TRIOBP: variants seen among roughly 807,000 people sequenced by gnomAD.
TRIOBP encodes TRIO and F-actin binding protein.
A neutral mutation model predicts 238.8 loss-of-function variants in TRIOBP; 169 were observed. The observed-to-expected ratio is 0.71, with a 90% CI of 0.62 to 0.80. TRIOBP has a LOEUF of 0.80. TRIOBP is among the 30% of genes least tolerant of loss of function. The pLI is 0.00. For missense variants in TRIOBP, 2,838 were observed against 3,122.6 expected (o/e 0.91, Z 2.17); for synonymous variants, 1,150 against 1,274.4 (o/e 0.90, Z 2.08).
intron 6 of TRIOBP, among the ~76,000 whole-genome samples, chr22:37,721,419 G>GGAT (rs924112698): frequency 7.9e-5 from 12 of 152,182 alleles, no homozygotes; most frequent in Non-Finnish European, 1.3e-4. Flanking sequence ...AGAGGACAGG[G>GGAT]GATCTTAAGA....
At chr22:37,718,795 C>G (rs563844223) in intron 6 of TRIOBP, among the ~76,000 whole-genome samples, 68 of 148,448 alleles carry the variant, frequency 4.6e-4, no homozygotes, top group Admixed American at 2.0e-4. Context: ...GGATCTGGGA[C>G]AGGAGGACAC....
rs1218098431 is a variant in TRIOBP, at chr22:37,725,694, C to T, written c.3138C>T (p.Ala1046=). 6.8e-6 allele frequency: 11 copies of T among 1,613,252 alleles called. No individual in the cohort carries two copies. Among genetic ancestry groups the T allele is most frequent in the Non-Finnish European group, 9.3e-6 (11 of 1,179,886 alleles). Residue 1046 remains alanine (A), a synonymous_variant, in exon 7 of 24, where the codon GCC becomes GCT. Coordinates refer to ENST00000644935, the MANE Select transcript of TRIOBP (RefSeq NM_001039141.3). ...TCCCCTTCTTCCCAGAGCCCCGCGCCCCTGAGAGTGAACCGCCCCACCACG... is the reference window on the plus strand; with the variant it reads ...TCCCCTTCTTCCCAGAGCCCCGCGCTCCTGAGAGTGAACCGCCCCACCACG... The part of the protein sequence containing the change: ...DPFPFFPEPR[A]PESEPPHHEP...
Position 37,705,499 on chromosome 22 carries a change from G to GA in TRIOBP, c.114+4020_114+4021insA, listed in dbSNP as rs1922890864. On this transcript the variant is annotated intron_variant, in intron 3 of 23. Coordinates refer to ENST00000644935, the MANE Select transcript of TRIOBP (RefSeq NM_001039141.3). Reference sequence around the variant, plus strand: ...CTATAGGACAAGGATGGAGAATGGGGGGAGGCCTGGTCTCACTGGCCTTGT... The same window carrying GA: ...CTATAGGACAAGGATGGAGAATGGGGAGGAGGCCTGGTCTCACTGGCCTTGT... Among the ~76,000 whole-genome samples the GA allele has an allele frequency of 2.6e-5, 4 of 152,068 alleles. No homozygotes were observed. In the South Asian group the frequency reaches 6.2e-4, roughly 24 times the overall value.
rs1181027443 is a variant in TRIOBP at position 37,715,769 on chromosome 22, G to A, written c.463G>A (p.Asp155Asn). Residue 155 changes from aspartate (D) to asparagine (N), a missense_variant, in exon 6 of 24, where the codon GAC (aspartate) becomes AAC (asparagine). Asp to Asn is a conservative substitution (Grantham distance 23, BLOSUM62 1). Transcript: ENST00000644935. ...TCCTCCCCTTCTCTGGCAGGACTGG[G>A]ACACTGTTGAGAGGCAGGAGGAGGA... is the stretch of plus-strand genomic sequence containing the variant. ...DTSNSSSVDW[D>N]TVERQEEEAP... 6.2e-7 allele frequency: 1 copy of A among 1,613,966 alleles called. No homozygotes were observed. The highest frequency in any genetic ancestry group is 8.5e-7 in the Non-Finnish European group (1 of 1,180,024).
chr22:37,769,782 G>T (rs532104685), intron 21 of TRIOBP, among the ~76,000 whole-genome samples: 1 of 151,996 alleles, frequency 6.6e-6, no homozygotes, highest in African/African-American at 2.4e-5. Flanking sequence ...AGGCTGGAGT[G>T]TAGTGACACG....
intron 10 of TRIOBP, 143 bp from the exon 11 acceptor site, chr22:37,740,752 C>T (rs1379176917): frequency 1.0e-5 from 13 of 1,243,784 alleles, no homozygotes; most frequent in Admixed American, 4.0e-5. Flanking sequence ...CAGCTCGTCT[C>T]GGCAGTTCTG....
chr22:37,775,351 A>G lies in TRIOBP; in HGVS notation c.*1571A>G, dbSNP rs898076125. ...GAGAGTGACCTCGTGGAGTGGGAAG[A>G]GATTGTTTCCCATTCCCTTGCCAGG... On this transcript the variant is annotated 3_prime_UTR_variant, in exon 24 of 24. Coordinates refer to ENST00000644935, the MANE Select transcript of TRIOBP (RefSeq NM_001039141.3). 3.3e-5 allele frequency: 5 copies of G among 152,160 alleles called. No homozygotes were observed. The highest frequency in any genetic ancestry group is 5.9e-5 in the Non-Finnish European group (4 of 68,042). 9.4% of individuals were successfully genotyped at this position (152,160 alleles called of 1,614,324 possible).
Position 37,723,769 on chromosome 22 carries a change from T to A in TRIOBP, c.1213T>A (p.Ser405Thr). The change falls in exon 7 of 24, where the codon TCC becomes ACC. Residue 405 changes from serine to threonine, a missense_variant. Transcript: ENST00000644935. ...RTTQRENSRT[S>T]CAQRDNPKAS... ...CACTCAACGAGAGAATTCCAGAACA[T>A]CCTGTGCCCAGCGGGACAATCCCAA... The A allele has an allele frequency of 6.3e-7, 1 of 1,596,570 alleles. No individual in the cohort carries two copies. The highest frequency in any genetic ancestry group is 1.3e-5 in the African/African-American group (1 of 74,668).
At chr22:37,742,622 G>T (rs888376679) in intron 11 of TRIOBP, among the ~76,000 whole-genome samples, 2 of 152,172 alleles carry the variant, frequency 1.3e-5, no homozygotes, top group African/African-American at 2.4e-5. Flanking sequence ...GGCAAGCATG[G>T]TTATCTGAGT....
At chr22:37,753,306 C>T (rs1925723828) in intron 12 of TRIOBP, among the ~76,000 whole-genome samples, 1 of 151,726 alleles carries the variant, frequency 6.6e-6, no homozygotes, top group Non-Finnish European at 1.5e-5. Flanking sequence ...CAGAGTTTCA[C>T]TCTTGTTGCC....
At chr22:37,709,269 T>TGGGCTCC (rs375323875) in intron 3 of TRIOBP, among the ~76,000 whole-genome samples, 393 of 152,324 alleles carry the variant, frequency 2.6e-3, no homozygotes, top group African/African-American at 8.9e-3. Context: ...CCCTGGGCTC[T>TGGGCTCC]GGGCTCCAGG....
At chr22:37,743,408 C>T (rs185450972) in intron 11 of TRIOBP, among the ~76,000 whole-genome samples, 1 of 152,280 alleles carries the variant, frequency 6.6e-6, no homozygotes, top group Admixed American at 6.5e-5. Context: ...TGGTCTTTGC[C>T]AGTTTAATAA....
At chr22:37,756,759 T>A (rs1925944174) in intron 15 of TRIOBP, among the ~76,000 whole-genome samples, 1 of 151,650 alleles carries the variant, frequency 6.6e-6, no homozygotes, top group African/African-American at 2.4e-5. Context: ...GCGAGTGTAG[T>A]TTTTGGCAGG....
chr22:37,743,645 C>T (rs926032399), intron 11 of TRIOBP, among the ~76,000 whole-genome samples: 1 of 152,156 alleles, frequency 6.6e-6, no homozygotes, highest in Non-Finnish European at 1.5e-5. Context: ...GTGTGGTCAC[C>T]ACTTTAGTGG....
At position 37,740,995 on chromosome 22, in the gene TRIOBP, C is replaced by T. The variant is rs374789338; in HGVS notation, c.5285C>T (p.Pro1762Leu). The change falls in exon 11 of 24, where the codon CCG (proline) becomes CTG (leucine). Residue 1762 changes from proline (P) to leucine (L), a missense_variant. Pro to Leu is a moderately conservative substitution (Grantham distance 98). Coordinates refer to ENST00000644935, the MANE Select transcript of TRIOBP (RefSeq NM_001039141.3). ...GGGGACCGGCCCACGCTGTTCAATCCGTTCCTGCTGTCTCTGGGGGTCCTC... is the reference window on the plus strand; with the variant it reads ...GGGGACCGGCCCACGCTGTTCAATCTGTTCCTGCTGTCTCTGGGGGTCCTC... ...MPGDRPTLFNPFLLSLGVLRW... is the reference protein window; with the variant it reads ...MPGDRPTLFNLFLLSLGVLRW... 18 of 1,560,740 alleles carry T rather than the reference C, an allele frequency of 1.2e-5. No individual in the cohort carries two copies. The highest frequency in any genetic ancestry group is 1.1e-4 in the African/African-American group (8 of 73,806).
intron 6 of TRIOBP, among the ~76,000 whole-genome samples, chr22:37,719,939 C>T (rs1923731235): frequency 6.7e-6 from 1 of 149,026 alleles, no homozygotes; most frequent in South Asian, 2.1e-4. Context: ...CAGCCCTCTA[C>T]TGCGTTAATC....
rs376743335 is a variant in TRIOBP at position 37,740,915 on chromosome 22, G to T, written c.5205G>T (p.Glu1735Asp). ...GACAGGCAGACAAGAGGCCAGCAGA[G>T]GGCAAGGCTGGGAGCCCGCTCAAGG... ...QADSADKRPA[E>D]GKAGSPLKGR... Residue 1735 changes from glutamate (E) to aspartate (D), a missense_variant, in exon 11 of 24, where the codon GAG (glutamate) becomes GAT (aspartate). Physicochemically the swap from Glu to Asp is conservative, Grantham distance 45 (BLOSUM62 2). Around this residue, in one of 5 missense-constraint regions of TRIOBP, gnomAD observed 2,096 missense variants for 2,137.4 expected, o/e 0.98. Coordinates refer to ENST00000644935, the MANE Select transcript of TRIOBP (RefSeq NM_001039141.3). 5.7e-6 allele frequency: 9 copies of T among 1,574,266 alleles called. No individual in the cohort carries two copies. The East Asian group carries it at 1.8e-4, about 32-fold the overall frequency.
intron 3 of TRIOBP, among the ~76,000 whole-genome samples, chr22:37,702,782 AG>A (rs1421999636): frequency 2.6e-5 from 4 of 151,442 alleles, no homozygotes; most frequent in African/African-American, 9.7e-5. Context: ...CCTGAGTAGC[AG>A]GGACTACAGG....
At chr22:37,721,446 G>A (rs1923824944) in intron 6 of TRIOBP, among the ~76,000 whole-genome samples, 1 of 152,180 alleles carries the variant, frequency 6.6e-6, no homozygotes, top group East Asian at 1.9e-4. Flanking sequence ...GAAGGGAGGG[G>A]ATCTGCATGA....
Sources: gnomAD v4.1 joint callset for allele counts (sites outside exome capture counted in the v4.1 genomes callset) on GRCh38, gnomAD v4.1.1 for gene constraint, gnomAD v4.1.1 regional missense constraint, MANE v1.5 for transcripts, NCBI Gene and HGNC (gene_info 2026-07-23, HGNC 2026-07-21) for gene names.